DCDC2: variants seen among roughly 807,000 people sequenced by gnomAD.
The protein encoded by DCDC2 is doublecortin domain containing 2.
In DCDC2, 40 loss-of-function variants were observed where a neutral mutation model predicts 50.2. The ratio of observed to expected loss-of-function variants is 0.80; its 90% CI spans 0.62 to 1.04. The LOEUF (loss-of-function observed/expected upper bound fraction) is 1.04, where lower values mean the gene tolerates loss of function less well. Among genes scored for constraint, DCDC2 ranks in the 50% least tolerant of loss-of-function variants. DCDC2 has a pLI of 0.00. For missense variants in DCDC2, 570 were observed against 581.9 expected (o/e 0.98, Z 0.21); for synonymous variants, 234 against 210.6 (o/e 1.11, Z -0.96).
In DCDC2 at chr6:24,267,047, T is replaced by A. The variant is rs1763137017; in HGVS notation, c.922+11002A>T. ...GAGGTCATTATGTTAAGTGAAATAA[T>A]CCAGGCACAAAGACAAACTTTGCAT... is the stretch of plus-strand genomic sequence containing the variant. On this transcript the variant is annotated intron_variant, in intron 7 of 9. Transcript: ENST00000378454. Among the ~76,000 whole-genome samples, 3 of 152,106 alleles carry A rather than the reference T, an allele frequency of 2.0e-5. No individual in the cohort carries two copies. In the South Asian group the frequency reaches 6.2e-4, roughly 32 times the overall value.
intron 7 of DCDC2, among the ~76,000 whole-genome samples, chr6:24,262,461 TG>T (rs1198684412): frequency 6.6e-6 from 1 of 152,346 alleles, no homozygotes; most frequent in Admixed American, 6.5e-5. Context: ...GGGAAAGCCC[TG>T]GTGCTGCGCT....
chr6:24,229,312 C>T lies in DCDC2; in HGVS notation c.923-24210G>A, dbSNP rs374049145. On this transcript the variant is annotated intron_variant, in intron 7 of 9. Transcript: ENST00000378454. ...CATGGCCCCCATCCATCCTTAGAGC[C>T]GGCCATGGCTCGTGGTCGAGTCTTT... 7.2e-4 allele frequency among the ~76,000 whole-genome samples: 110 copies of T among 152,252 alleles called. No individual in the cohort carries two copies. The South Asian group carries it at 0.021, about 28-fold the overall frequency.
At position 24,171,996 on chromosome 6, in the gene DCDC2, A is replaced by T. The variant is rs1760789538; in HGVS notation, c.*2734T>A. On this transcript the variant is annotated 3_prime_UTR_variant, in exon 10 of 10. Coordinates refer to ENST00000378454, the MANE Select transcript of DCDC2 (RefSeq NM_016356.5). ...ACTCTCTCTAGAAAACAGTACATGAAGCCAAACCAAGATCTTGTCTGTCCA... is the reference window on the plus strand; with the variant it reads ...ACTCTCTCTAGAAAACAGTACATGATGCCAAACCAAGATCTTGTCTGTCCA... The T allele has an allele frequency of 6.6e-6, 1 of 152,240 alleles. No individual in the cohort carries two copies. The highest frequency in any genetic ancestry group is 1.5e-5 in the Non-Finnish European group (1 of 68,054). 9.4% of individuals were successfully genotyped at this position (152,240 alleles called of 1,614,324 possible).
chr6:24,314,466 G>A (rs1759626768), intron 2 of DCDC2, among the ~76,000 whole-genome samples: 1 of 151,658 alleles, frequency 6.6e-6, no homozygotes, highest in South Asian at 2.1e-4. Context: ...AACAGAGCAA[G>A]ACGTTGTCTC....
rs185420297 is a variant in DCDC2 at position 24,353,490 on chromosome 6, G to A, written c.348+79C>T. 577 of 868,534 alleles carry A rather than the reference G, an allele frequency of 6.6e-4. 2 individuals carry two copies. The highest frequency in any genetic ancestry group is 3.4e-3 in the African/African-American group (200 of 59,060). The allele number at this position is 868,534 out of a possible 1,614,324, so 53.8% of individuals were successfully genotyped here. A position where few individuals can be genotyped will look rare whatever the true frequency, so the allele number is the denominator to read the frequency against. On this transcript the variant is annotated intron_variant, in intron 2 of 9. Coordinates refer to ENST00000378454, the MANE Select transcript of DCDC2 (RefSeq NM_016356.5). ...AGAGAACTCATCAAAGTAGAATGCC[G>A]TCCAAATCTCTAAGACACACCATAA...
At chr6:24,311,266 T>C (rs16889058) in intron 2 of DCDC2, among the ~76,000 whole-genome samples, 9,988 of 152,318 alleles carry the variant, frequency 0.066, 371 homozygotes, top group Middle Eastern at 0.095. Context: ...CAAATCATTT[T>C]GTCTGAACTT....
chr6:24,207,256 TTCTCTCTCTCTCTCTC>T (rs60603298), intron 7 of DCDC2, among the ~76,000 whole-genome samples: 7 of 129,606 alleles, frequency 5.4e-5, no homozygotes, highest in Admixed American at 1.5e-4. Context: ...CCATCTATCT[TTCTCTCTCTCTCTCTC>T]TCTCTCTCTC....
intron 7 of DCDC2, among the ~76,000 whole-genome samples, chr6:24,271,542 G>A (rs1385028676): frequency 1.3e-5 from 2 of 152,282 alleles, no homozygotes; most frequent in East Asian, 3.9e-4. Context: ...GGCTCCTCCA[G>A]CTCTGCATTC....
chr6:24,224,070 GA>G (rs11347981), intron 7 of DCDC2, among the ~76,000 whole-genome samples: 11,189 of 148,076 alleles, frequency 0.076, 693 homozygotes, highest in African/African-American at 0.18. Flanking sequence ...TCTCAAGACA[GA>G]AAAAAAAAAG....
rs1761677626 is a variant in DCDC2 at position 24,205,004 on chromosome 6, G to C, written c.1021C>G (p.Gln341Glu). The change falls in exon 8 of 10, where the codon CAG becomes GAG. Residue 341 changes from glutamine (Q) to glutamate (E), a missense_variant and splice_region_variant. Gln to Glu is a conservative substitution (Grantham distance 29). Coordinates refer to ENST00000378454, the MANE Select transcript of DCDC2 (RefSeq NM_016356.5). ...ATTTTTTAAGGCATGGAGATTACCT[G>C]ATCGACTGGAACCTCAACCTGAGTA... ...EDTQVEVPVD[Q>E]RPAEIVDEEE... The C allele has an allele frequency of 6.2e-7, 1 of 1,612,988 alleles. No homozygotes were observed. The highest frequency in any genetic ancestry group is 1.3e-5 in the African/African-American group (1 of 74,954).
In DCDC2 at chr6:24,353,583, C is replaced by G; in HGVS notation, c.334G>C (p.Val112Leu). The G allele has an allele frequency of 6.3e-7, 1 of 1,586,508 alleles. No homozygotes were observed. The highest frequency in any genetic ancestry group is 8.6e-7 in the Non-Finnish European group (1 of 1,165,442). Residue 112 changes from valine to leucine, a missense_variant, in exon 2 of 10, where the codon GTT becomes CTT. Val to Leu is a conservative substitution (Grantham distance 32). Coordinates refer to ENST00000378454, the MANE Select transcript of DCDC2 (RefSeq NM_016356.5). ...IGEIKKRPME[V>L]VNTEVKPVIH... is the part of the protein sequence containing the mutation. ...ATTTGCATTACCTCTGTATTAACAA[C>G]TTCCATTGGTCTTTTCTTGATTTCT...
intron 2 of DCDC2, among the ~76,000 whole-genome samples, chr6:24,317,858 T>C (rs567507991): frequency 1.3e-5 from 2 of 151,958 alleles, no homozygotes; most frequent in Admixed American, 6.6e-5. Context: ...GCAATTCATG[T>C]TTTTAAAAAA....
the DCDC2 span, among the ~76,000 whole-genome samples, chr6:24,375,253 C>T: frequency 6.6e-6 from 1 of 152,082 alleles, no homozygotes; most frequent in South Asian, 2.1e-4. Context: ...GCCCAGAGGC[C>T]CCGTTAGAGT....
chr6:24,301,668 T>C lies in DCDC2; in HGVS notation c.557+47A>G. The stretch of plus-strand genomic sequence containing the variant: ...GACTCCGGAGCCTCCTGAGAATATC[T>C]TCAACAATTCAAAAACTCCTCCACT... On this transcript the variant is annotated intron_variant, in intron 4 of 9. Coordinates refer to ENST00000378454, the MANE Select transcript of DCDC2 (RefSeq NM_016356.5). The C allele has an allele frequency of 1.9e-6, 3 of 1,605,150 alleles. 1 individual carries two copies. Among genetic ancestry groups the C allele is most frequent in the East Asian group, 2.2e-5 (1 of 44,766 alleles).
intron 7 of DCDC2, among the ~76,000 whole-genome samples, chr6:24,236,786 G>T (rs1386169419): frequency 6.6e-6 from 1 of 152,122 alleles, no homozygotes; most frequent in Non-Finnish European, 1.5e-5. Context: ...GAGGCGGGTG[G>T]ATCACCTGAG....
chr6:24,306,535 T>TAGACAGACAGAC (rs776918695), intron 2 of DCDC2, among the ~76,000 whole-genome samples: 73 of 119,212 alleles, frequency 6.1e-4, no homozygotes, highest in African/African-American at 1.7e-3. Flanking sequence ...GATAGATAGA[T>TAGACAGACAGAC]AGATAGATAG....
chr6:24,337,797 CA>C (rs34344592), intron 2 of DCDC2, among the ~76,000 whole-genome samples: 4,014 of 126,570 alleles, frequency 0.032, 73 homozygotes, highest in Middle Eastern at 0.054. Flanking sequence ...GACTCCGTCT[CA>C]AAAAAAAAAA....
chr6:24,204,897 G>T (rs897232130), intron 8 of DCDC2, 105 bp downstream of exon 8: 8 of 1,037,778 alleles, frequency 7.7e-6, no homozygotes, highest in Non-Finnish European at 1.1e-5. Flanking sequence ...ACCTTAGAGG[G>T]TTTAATTCAT....
Position 24,246,479 on chromosome 6 carries a change from CT to C in DCDC2, c.922+31569del, listed in dbSNP as rs4052666. 8.7e-3 allele frequency among the ~76,000 whole-genome samples: 619 copies of C among 70,764 alleles called. 3 individuals are homozygous for C. Among genetic ancestry groups the C allele is most frequent in the African/African-American group, 0.035 (578 of 16,526 alleles). 46.4% of individuals were successfully genotyped at this position (70,764 alleles called of 152,430 possible). A position where few individuals can be genotyped will look rare whatever the true frequency, so the allele number is the denominator to read the frequency against. ...GATAAAGACAAGTCTTTTTCTTTTT[CT>C]TTTTTTTTTTTTTTTTTTTTTTTTG... On this transcript the variant is annotated intron_variant, in intron 7 of 9. Transcript: ENST00000378454.
Sources: allele counts gnomAD v4.1 joint callset (sites outside exome capture counted in the v4.1 genomes callset), GRCh38; gene constraint gnomAD v4.1.1; transcripts MANE v1.5; gene names NCBI Gene and HGNC (gene_info 2026-07-23, HGNC 2026-07-21).